Variants in MGAT4C observed in about 807,000 individuals in gnomAD.
MGAT4C encodes MGAT4 family member C, also known as alpha-1,3-mannosyl-glycoprotein 4-beta-N-acetylglucosaminyltransferase C.
Under a neutral mutation model 40.1 loss-of-function variants are expected in MGAT4C, and 19 were observed. The observed-to-expected ratio is 0.47, with a 90% CI of 0.33 to 0.70. MGAT4C has a LOEUF of 0.70. Among genes scored for constraint, MGAT4C ranks in the 30% least tolerant of loss-of-function variants. The pLI is 0.02. For missense variants in MGAT4C, 491 were observed against 563.2 expected (o/e 0.87, Z 1.30); for synonymous variants, 181 against 187.1 (o/e 0.97, Z 0.27).
chr12:86,420,146 G>T (rs906886406), intron 3 of MGAT4C, among the ~76,000 whole-genome samples: 3 of 151,890 alleles, frequency 2.0e-5, no homozygotes, highest in African/African-American at 7.3e-5. Flanking sequence ...GGGAGGGTGG[G>T]GTGGGGGAAT....
intron 2 of MGAT4C, among the ~76,000 whole-genome samples, chr12:86,488,252 C>CAAAA (rs760174330): frequency 2.1e-5 from 2 of 93,990 alleles, no homozygotes; most frequent in African/African-American, 8.3e-5. Flanking sequence ...TTGTTTTCTA[C>CAAAA]AAAAAAAAAA....
At chr12:86,632,390 G>A (rs1362574932) in intron 2 of MGAT4C, among the ~76,000 whole-genome samples, 3 of 152,106 alleles carry the variant, frequency 2.0e-5, no homozygotes, top group East Asian at 3.9e-4. Context: ...ATTTGAACCA[G>A]CCATCCCATT....
chr12:86,152,153 C>T (rs1043199717), intron 1 of MGAT4C, among the ~76,000 whole-genome samples: 1 of 152,226 alleles, frequency 6.6e-6, no homozygotes, highest in Non-Finnish European at 1.5e-5. Flanking sequence ...GTAATTTTTC[C>T]TCAGGCTTTA....
chr12:86,425,014 C>A (rs925392443), intron 3 of MGAT4C, among the ~76,000 whole-genome samples: 10 of 152,220 alleles, frequency 6.6e-5, no homozygotes, highest in African/African-American at 2.4e-4. Flanking sequence ...CCTCAGCCTC[C>A]CGAACTGCTG....
At chr12:86,383,549 CAAAA>C (rs1159593477) in intron 3 of MGAT4C, among the ~76,000 whole-genome samples, 532 of 49,814 alleles carry the variant, frequency 0.011, no homozygotes, top group South Asian at 0.015. Context: ...CACTTCGTCT[CAAAA>C]AAAAAAAAAA....
chr12:86,014,146 T>G (rs1378874269), intron 2 of MGAT4C, among the ~76,000 whole-genome samples: 1 of 152,158 alleles, frequency 6.6e-6, no homozygotes, highest in African/African-American at 2.4e-5. Flanking sequence ...CCTCTTTTCC[T>G]CAATATCTCA....
At chr12:86,269,013 CATATATAT>C (rs60328579) in intron 4 of MGAT4C, among the ~76,000 whole-genome samples, 6,278 of 74,382 alleles carry the variant, frequency 0.084, 472 homozygotes, top group Middle Eastern at 0.11. Context: ...TTCATACTTA[CATATATAT>C]ATATATATAT....
chr12:86,569,324 A>C (rs1403745444), intron 2 of MGAT4C, among the ~76,000 whole-genome samples: 1 of 152,152 alleles, frequency 6.6e-6, no homozygotes, highest in African/African-American at 2.4e-5. Flanking sequence ...CAGGGAATTT[A>C]ACATCTCCAC....
At chr12:86,800,598 G>A (rs1382991096) in intron 1 of MGAT4C, among the ~76,000 whole-genome samples, 1 of 151,858 alleles carries the variant, frequency 6.6e-6, no homozygotes, top group African/African-American at 2.4e-5. Flanking sequence ...TAAACCAGAG[G>A]AGAGGAACTG....
intron 4 of MGAT4C, among the ~76,000 whole-genome samples, chr12:86,317,890 T>G (rs536698147): frequency 6.6e-6 from 1 of 151,600 alleles, no homozygotes; most frequent in Non-Finnish European, 1.5e-5. Context: ...CTCAAGTTAT[T>G]TTTTAAATAT....
At chr12:86,241,166 T>C (rs898127533) in intron 1 of MGAT4C, among the ~76,000 whole-genome samples, 6 of 152,194 alleles carry the variant, frequency 3.9e-5, no homozygotes, top group African/African-American at 1.2e-4. Context: ...ATTTAAAAAA[T>C]GCAATTAACT....
intron 2 of MGAT4C, among the ~76,000 whole-genome samples, chr12:86,559,945 A>G (rs1467849941): frequency 6.6e-6 from 1 of 152,002 alleles, no homozygotes; most frequent in Non-Finnish European, 1.5e-5. Context: ...AGAAGGCCCA[A>G]GTAAATAAAA....
At chr12:86,298,846 T>TA (rs1197720370) in intron 4 of MGAT4C, among the ~76,000 whole-genome samples, 1 of 152,168 alleles carries the variant, frequency 6.6e-6, no homozygotes. Flanking sequence ...TTAGTATATC[T>TA]ATACCAATCA....
At chr12:86,828,018 A>C (rs1447329363) in intron 1 of MGAT4C, among the ~76,000 whole-genome samples, 1 of 151,302 alleles carries the variant, frequency 6.6e-6, no homozygotes, top group Non-Finnish European at 1.5e-5. Flanking sequence ...TAGATTAGGA[A>C]TCTCTAAAGA....
intron 1 of MGAT4C, among the ~76,000 whole-genome samples, chr12:86,240,785 T>A (rs574672573): frequency 6.6e-6 from 1 of 152,268 alleles, no homozygotes; most frequent in Non-Finnish European, 1.5e-5. Context: ...TATCAACATA[T>A]TTAATATTGA....
At chr12:86,696,591 T>A (rs1218796705) in intron 2 of MGAT4C, among the ~76,000 whole-genome samples, 1 of 152,224 alleles carries the variant, frequency 6.6e-6, no homozygotes, top group Non-Finnish European at 1.5e-5. Flanking sequence ...CAGTGCCATT[T>A]TTTATGACCA....
chr12:86,397,065 C>T (rs1417056217), intron 3 of MGAT4C, among the ~76,000 whole-genome samples: 1 of 121,570 alleles, frequency 8.2e-6, no homozygotes, highest in African/African-American at 3.1e-5. Flanking sequence ...AAGATGGAGG[C>T]CTGCATTTTA....
intron 2 of MGAT4C, among the ~76,000 whole-genome samples, chr12:86,018,258 C>CTGTA (rs1889293113): frequency 6.6e-6 from 1 of 152,114 alleles, no homozygotes; most frequent in African/African-American, 2.4e-5. Context: ...TACCCCAAGG[C>CTGTA]ACTAAACTGT....
At chr12:86,287,223 AATT>A (rs1320644070) in intron 4 of MGAT4C, among the ~76,000 whole-genome samples, 15 of 152,028 alleles carry the variant, frequency 9.9e-5, no homozygotes, top group Admixed American at 1.3e-4. Flanking sequence ...GGAAGTGTAT[AATT>A]ATTTGCCTTT....
Sources: gnomAD v4.1 joint callset for allele counts (sites outside exome capture counted in the v4.1 genomes callset) on GRCh38, gnomAD v4.1.1 for gene constraint, MANE v1.5 for transcripts, NCBI Gene and HGNC (gene_info 2026-07-23, HGNC 2026-07-21) for gene names.